Variants in NKIRAS1 observed in about 807,000 individuals in gnomAD.
NKIRAS1 encodes the protein NFKB inhibitor interacting Ras like 1, also known as NF-kappa-B inhibitor-interacting Ras-like protein 1.
In NKIRAS1, 16 loss-of-function variants were observed where a neutral mutation model predicts 19.8. The observed-to-expected ratio is 0.81, with a 90% CI of 0.55 to 1.23. NKIRAS1 has a LOEUF of 1.23. Ranked by LOEUF, NKIRAS1 falls within the 50% of genes most tolerant of loss-of-function variation. The pLI is 0.00. For synonymous variants in NKIRAS1, 88 were observed against 79.0 expected (o/e 1.11, Z -0.61); for missense variants, 184 against 220.0 (o/e 0.84, Z 1.04).
upstream of NKIRAS1, chr3:23,921,871 A>G (rs1171264875): frequency 1.1e-5 from 5 of 462,490 alleles, no homozygotes; most frequent in East Asian, 1.9e-4. Context: ...CACCACCCCC[A>G]GCCCAATTTT....
intron 1 of NKIRAS1, among the ~76,000 whole-genome samples, chr3:23,925,762 C>G (rs1705202375): frequency 6.6e-6 from 1 of 152,222 alleles, no homozygotes; most frequent in East Asian, 1.9e-4. Flanking sequence ...CTGCATACAA[C>G]TCTGCAACCA....
Position 23,892,130 on chromosome 3 carries a change from C to CA in NKIRAS1, c.*964dup, listed in dbSNP as rs1198985731. 1 of 152,134 alleles carries CA rather than the reference C, an allele frequency of 6.6e-6. No homozygotes were observed. Among genetic ancestry groups the CA allele is most frequent in the Admixed American group, 6.5e-5 (1 of 15,270 alleles). The allele number at this position is 152,134 out of a possible 1,614,324, so 9.4% of individuals were successfully genotyped here. ...TGAATAGCTTATTTTACATTTCAGT[C>CA]AAAATAGTTATTTCACAGGTGAAAC... On this transcript the variant is annotated 3_prime_UTR_variant, in exon 5 of 5. Transcript: ENST00000425478.
chr3:23,895,024 G>C (rs892050555), intron 4 of NKIRAS1, among the ~76,000 whole-genome samples: 11 of 152,146 alleles, frequency 7.2e-5, no homozygotes, highest in Admixed American at 5.9e-4. Flanking sequence ...CCACTCCCGT[G>C]GTCATATCCT....
At chr3:23,943,021 C>G (rs751617824) in intron 1 of NKIRAS1, among the ~76,000 whole-genome samples, 6 of 152,206 alleles carry the variant, frequency 3.9e-5, no homozygotes, top group Admixed American at 2.6e-4. Flanking sequence ...TCCCAAAGTG[C>G]TGGGATTACA....
At chr3:23,930,679 GA>G (rs1395430502) in intron 1 of NKIRAS1, among the ~76,000 whole-genome samples, 1 of 151,854 alleles carries the variant, frequency 6.6e-6, no homozygotes, top group African/African-American at 2.4e-5. Context: ...GTAATATGAA[GA>G]AAAAAATAAA....
intron 1 of NKIRAS1, among the ~76,000 whole-genome samples, chr3:23,945,819 G>T (rs1210221603): frequency 6.6e-6 from 1 of 150,494 alleles, no homozygotes; most frequent in Non-Finnish European, 1.5e-5. Flanking sequence ...GCCGGCGCCC[G>T]GCCCGGCCCC....
At chr3:23,919,848 G>A (rs140106884), upstream of NKIRAS1, 70 of 1,020,162 alleles carry the variant, frequency 6.9e-5, no homozygotes, top group African/African-American at 6.3e-4. Context: ...CAGCTTTATC[G>A]GAGTGATGGC....
intron 4 of NKIRAS1, among the ~76,000 whole-genome samples, chr3:23,900,160 T>C (rs1559502500): frequency 6.6e-6 from 1 of 151,358 alleles, no homozygotes; most frequent in East Asian, 2.0e-4. Flanking sequence ...AGACTCAGTC[T>C]CAAAAAAAAC....
chr3:23,899,793 T>G (rs1025615029), intron 4 of NKIRAS1, among the ~76,000 whole-genome samples: 9 of 152,242 alleles, frequency 5.9e-5, no homozygotes, highest in Admixed American at 2.0e-4. Flanking sequence ...GGTATATGGG[T>G]AGAATCCAAT....
intron 1 of NKIRAS1, among the ~76,000 whole-genome samples, chr3:23,935,691 G>A (rs1235314518): frequency 6.6e-6 from 1 of 152,184 alleles, no homozygotes. Context: ...GCTTCCCAAA[G>A]TGCTGGGATT....
At chr3:23,918,655 T>C, upstream of NKIRAS1, 1 of 1,492,838 alleles carries the variant, frequency 6.7e-7, no homozygotes, top group Admixed American at 2.0e-5. Context: ...CTTTTCTGAT[T>C]GTACTTAGGT....
chr3:23,939,471 G>A (rs1575135425), intron 1 of NKIRAS1, among the ~76,000 whole-genome samples: 1 of 152,172 alleles, frequency 6.6e-6, no homozygotes, highest in Non-Finnish European at 1.5e-5. Flanking sequence ...GGCCAGGAAC[G>A]GTGGCTCATG....
chr3:23,945,842 C>T (rs1705668752), intron 1 of NKIRAS1, among the ~76,000 whole-genome samples: 1 of 150,706 alleles, frequency 6.6e-6, no homozygotes, highest in South Asian at 2.1e-4. Flanking sequence ...CCTCACATGG[C>T]CCGGCCGCGC....
At chr3:23,899,173 G>A (rs1298187406) in intron 4 of NKIRAS1, among the ~76,000 whole-genome samples, 2 of 152,184 alleles carry the variant, frequency 1.3e-5, no homozygotes, top group Non-Finnish European at 2.9e-5. Context: ...TAAGGTGGGG[G>A]TGAAGATGGG....
intron 4 of NKIRAS1, among the ~76,000 whole-genome samples, chr3:23,900,106 G>A (rs1025362688): frequency 6.6e-6 from 1 of 152,060 alleles, no homozygotes; most frequent in Non-Finnish European, 1.5e-5. Flanking sequence ...AGGTTGCAGT[G>A]AGCCAAGATC....
intron 4 of NKIRAS1, 50 bp from the exon 5 acceptor site, chr3:23,893,387 G>A: frequency 1.3e-6 from 2 of 1,523,708 alleles, no homozygotes; most frequent in Non-Finnish European, 1.8e-6. Flanking sequence ...GCCAACATCA[G>A]TTCCTGGGCA....
chr3:23,914,910 G>C (rs922125517), intron 1 of NKIRAS1, among the ~76,000 whole-genome samples: 3 of 152,174 alleles, frequency 2.0e-5, no homozygotes, highest in Non-Finnish European at 4.4e-5. Flanking sequence ...CGTACCTACA[G>C]TAGCACATTC....
At chr3:23,901,832 G>C (rs1033685767) in intron 3 of NKIRAS1, among the ~76,000 whole-genome samples, 2 of 152,182 alleles carry the variant, frequency 1.3e-5, no homozygotes, top group African/African-American at 4.8e-5. Flanking sequence ...CAGCACTTTG[G>C]GAGGCCTAGG....
At chr3:23,919,113 T>C (rs548399525), upstream of NKIRAS1, 176 of 907,622 alleles carry the variant, frequency 1.9e-4, 3 homozygotes, top group South Asian at 2.5e-3. Flanking sequence ...GGTGGTGAAC[T>C]AGAGTTGAGA....
Sources: allele counts gnomAD v4.1 joint callset (sites outside exome capture counted in the v4.1 genomes callset), GRCh38; gene constraint gnomAD v4.1.1; transcripts MANE v1.5; gene names NCBI Gene and HGNC (gene_info 2026-07-23, HGNC 2026-07-21).